Variants in TBCE observed in about 807,000 individuals in gnomAD.
TBCE encodes the protein tubulin-specific chaperone E.
A neutral mutation model predicts 77.0 loss-of-function variants in TBCE; 53 were observed. The observed-to-expected ratio is 0.69, with a 90% CI of 0.55 to 0.87. The LOEUF is 0.87. Among genes scored for constraint, TBCE ranks in the 40% least tolerant of loss-of-function variants. The probability of loss-of-function intolerance (pLI) is 0.00; values close to 1 mark genes in which losing one functional copy is unlikely to be tolerated. For synonymous variants in TBCE, 235 were observed against 241.3 expected, an observed-to-expected ratio of 0.97 and a Z score of 0.24; for missense variants, 624 against 622.4, an observed-to-expected ratio of 1.00 and a Z score of -0.03.
chr1:235,401,722 G>A lies in TBCE; in HGVS notation c.185+135G>A, dbSNP rs561492168. ...ATGGAATTTGTTGTATTCCAAAAAG[G>A]CAGTTATTTTATTTGTGGCTTAATT... On this transcript the variant is annotated intron_variant, in intron 3 of 16. Transcript: ENST00000642610. The A allele has an allele frequency of 5.9e-5, 47 of 793,156 alleles. No individual in the cohort carries two copies. The Middle Eastern group carries it at 1.3e-3, about 22-fold the overall frequency. The allele number at this position is 793,156 out of a possible 1,614,324, so 49.1% of individuals were successfully genotyped here.
At chr1:235,442,074 C>A (rs1456648751) in intron 14 of TBCE, among the ~76,000 whole-genome samples, 192 bp downstream of exon 14, 2 of 149,334 alleles carry the variant, frequency 1.3e-5, no homozygotes, top group Non-Finnish European at 3.0e-5. Flanking sequence ...GTGGTGTGAT[C>A]TCAGCTCATT....
Position 235,437,358 on chromosome 1 carries a change from CTACGGGCT to C in TBCE, c.1002_1009del (p.Arg335ValfsTer35). 6.2e-7 allele frequency: 1 copy of C among 1,614,090 alleles called. No homozygotes were observed. Among genetic ancestry groups the C allele is most frequent in the Non-Finnish European group, 8.5e-7 (1 of 1,180,016 alleles). The stretch of plus-strand genomic sequence containing the variant: ...CAATGAGCTAGAGAAGTTACCAAGT[CTACGGGCT>C]TTGTCCTGCCTAAGAAACCCCCTGA... On this transcript the variant is annotated frameshift_variant, in exon 12 of 17. Transcript: ENST00000642610. LOFTEE classifies it high-confidence loss of function.
intron 4 of TBCE, 156 bp from the exon 5 acceptor site, chr1:235,419,317 T>C (rs1024310332): frequency 2.7e-6 from 3 of 1,127,384 alleles, no homozygotes; most frequent in Non-Finnish European, 2.5e-6. Flanking sequence ...TTTTTCTTTT[T>C]TGTAATGCTT....
At chr1:235,408,850 T>C (rs990064650) in intron 3 of TBCE, among the ~76,000 whole-genome samples, 1 of 152,112 alleles carries the variant, frequency 6.6e-6, no homozygotes, top group Non-Finnish European at 1.5e-5. Flanking sequence ...GACCTGGCCT[T>C]TTCCAGTAGC....
intron 3 of TBCE, among the ~76,000 whole-genome samples, chr1:235,405,866 C>T (rs1679393693): frequency 1.3e-5 from 2 of 152,140 alleles, no homozygotes; most frequent in Non-Finnish European, 2.9e-5. Context: ...AAGACAGCTA[C>T]AGCTTCACTA....
chr1:235,415,264 G>C (rs754779836), intron 4 of TBCE: 2 of 153,142 alleles, frequency 1.3e-5, no homozygotes, highest in Non-Finnish European at 2.9e-5. Context: ...GGGGATTACA[G>C]GGATTAAGCA....
intron 15 of TBCE, among the ~76,000 whole-genome samples, chr1:235,446,635 A>T (rs1682334455): frequency 6.6e-6 from 1 of 152,132 alleles, no homozygotes; most frequent in Non-Finnish European, 1.5e-5. Context: ...TAAAAATGGT[A>T]ATGCTATTTA....
At chr1:235,436,239 C>T in intron 9 of TBCE, 147 bp from the exon 10 acceptor site, 1 of 725,652 alleles carries the variant, frequency 1.4e-6, no homozygotes, top group Non-Finnish European at 2.4e-6. Context: ...CTTTGCATGT[C>T]CTAAGTTGGA....
chr1:235,437,543 G>A, intron 12 of TBCE, 69 bp downstream of exon 12: 2 of 1,576,262 alleles, frequency 1.3e-6, no homozygotes, highest in Non-Finnish European at 1.7e-6. Context: ...CAGGCGCCGT[G>A]GCTCACACCT....
chr1:235,373,434 T>A (rs956467403), intron 1 of TBCE, among the ~76,000 whole-genome samples: 2 of 151,774 alleles, frequency 1.3e-5, no homozygotes, highest in African/African-American at 2.4e-5. Flanking sequence ...AAAAAAAGAA[T>A]GTAACGTCTA....
chr1:235,430,987 G>A (rs1417429477), intron 7 of TBCE, among the ~76,000 whole-genome samples, 183 bp downstream of exon 7: 4 of 152,210 alleles, frequency 2.6e-5, no homozygotes. Flanking sequence ...GAGCATCATA[G>A]TTGAGTTTTG....
intron 6 of TBCE, chr1:235,429,835 A>C (rs1196190366): frequency 6.6e-6 from 1 of 152,148 alleles, no homozygotes; most frequent in African/African-American, 2.4e-5. Context: ...CTCCTGCCTC[A>C]GCCTCCCAAG....
chr1:235,375,684 G>A (rs374321180), intron 1 of TBCE, among the ~76,000 whole-genome samples: 16 of 152,046 alleles, frequency 1.1e-4, no homozygotes, highest in Non-Finnish European at 2.1e-4. Flanking sequence ...AGGTCTTCAC[G>A]GAAGATCATG....
intron 2 of TBCE, among the ~76,000 whole-genome samples, chr1:235,387,841 A>C (rs6429054): frequency 0.16 from 23,926 of 152,136 alleles, 2,542 homozygotes; most frequent in African/African-American, 0.3. Context: ...ATTCAGGGCC[A>C]GTCTGTAAAG....
chr1:235,405,888 T>C (rs1448290363), intron 3 of TBCE, among the ~76,000 whole-genome samples: 1 of 152,048 alleles, frequency 6.6e-6, no homozygotes, highest in Non-Finnish European at 1.5e-5. Context: ...GAGATAGGAT[T>C]TTTTCAGCTC....
chr1:235,436,775 A>G (rs1681476404), intron 11 of TBCE, among the ~76,000 whole-genome samples, 167 bp downstream of exon 11: 1 of 152,194 alleles, frequency 6.6e-6, no homozygotes, highest in Non-Finnish European at 1.5e-5. Context: ...TAAGAAAGAA[A>G]TTAGTTCACT....
intron 2 of TBCE, among the ~76,000 whole-genome samples, chr1:235,394,968 G>A (rs1255366661): frequency 3.9e-5 from 6 of 152,158 alleles, no homozygotes; most frequent in Non-Finnish European, 5.9e-5. Context: ...GCCTCCGAAA[G>A]TGCTGGGATC....
rs1370295965 is a variant in TBCE, at chr1:235,442,710, TA to T, written c.1340-141del. The T allele has an allele frequency of 1.3e-4, 98 of 736,704 alleles. 1 individual carries two copies. The highest frequency in any genetic ancestry group is 4.7e-5 in the Non-Finnish European group (20 of 426,244). The allele number at this position is 736,704 out of a possible 1,614,324, so 45.6% of individuals were successfully genotyped here. On this transcript the variant is annotated intron_variant, in intron 14 of 16. Coordinates refer to ENST00000642610, the MANE Select transcript of TBCE (RefSeq NM_003193.5). ...TGTTAGCAATCCATGGAAGGATTAA[TA>T]GAAAGAATTTTAAACATTGATTAGA...
chr1:235,383,039 GCCA>G (rs1293071269), intron 2 of TBCE, among the ~76,000 whole-genome samples: 2 of 141,438 alleles, frequency 1.4e-5, no homozygotes, highest in Non-Finnish European at 3.1e-5. Flanking sequence ...CATATGGCTA[GCCA>G]GTTTTCCCAG....
Sources: gnomAD v4.1 joint callset for allele counts (sites outside exome capture counted in the v4.1 genomes callset) on GRCh38, gnomAD v4.1.1 for gene constraint, MANE v1.5 for transcripts, NCBI Gene and HGNC (gene_info 2026-07-23, HGNC 2026-07-21) for gene names.